Variants in HSF1 observed in about 807,000 individuals in gnomAD.
The protein encoded by HSF1 is heat shock transcription factor 1, also known as heat shock factor protein 1.
In HSF1, 32 loss-of-function variants were observed where a neutral mutation model predicts 51.7. That is an observed-to-expected ratio of 0.62 (90% CI 0.47 to 0.83). The LOEUF (loss-of-function observed/expected upper bound fraction) is 0.83, where lower values mean the gene tolerates loss of function less well. Ranked by LOEUF, HSF1 falls within the 40% of genes least tolerant of loss-of-function variation. The pLI, the probability that HSF1 is intolerant of heterozygous loss-of-function variation, is 0.00. For missense variants in HSF1, 727 were observed against 717.0 expected (o/e 1.01, Z -0.16); for synonymous variants, 396 against 309.7 (o/e 1.28, Z -2.92).
chr8:144,291,843 C>T lies in HSF1; in HGVS notation c.86C>T (p.Pro29Leu). The change falls in exon 1 of 13, where the codon CCG becomes CTG. Residue 29 changes from proline (P) to leucine (L), a missense_variant. Pro to Leu is a moderately conservative substitution (Grantham distance 98, BLOSUM62 -3). Coordinates refer to ENST00000528838, the MANE Select transcript of HSF1 (RefSeq NM_005526.4). The surrounding 1 kb of genome is among the most constrained non-coding windows in gnomAD (Gnocchi z 4.1). ...AAGCTGTGGACCCTCGTGAGCGACC[C>T]GGACACCGACGCGCTCATCTGCTGG... ...LTKLWTLVSD[P>L]DTDALICWSP... The T allele has an allele frequency of 3.9e-6, 6 of 1,548,896 alleles. No individual in the cohort carries two copies. Among genetic ancestry groups the T allele is most frequent in the Non-Finnish European group, 5.2e-6 (6 of 1,152,982 alleles).
intron 1 of HSF1, among the ~76,000 whole-genome samples, chr8:144,298,916 G>T (rs568556636): frequency 2.0e-5 from 3 of 152,358 alleles, no homozygotes; most frequent in Non-Finnish European, 4.4e-5. Context: ...GTAAGTGTAA[G>T]GGGACAGATG....
chr8:144,299,484 G>A (rs1815713120), intron 1 of HSF1, among the ~76,000 whole-genome samples: 1 of 151,160 alleles, frequency 6.6e-6, no homozygotes, highest in South Asian at 2.1e-4. Context: ...GTCATGGGCA[G>A]ACAAGCCAAA....
intron 1 of HSF1, among the ~76,000 whole-genome samples, chr8:144,293,811 C>G (rs1241676362): frequency 2.7e-5 from 4 of 150,542 alleles, no homozygotes. Flanking sequence ...GAGGGGCATC[C>G]GCGATTATCT....
At chr8:144,312,412 C>G (rs1227253637) in intron 9 of HSF1, among the ~76,000 whole-genome samples, 168 bp downstream of exon 9, 1 of 152,142 alleles carries the variant, frequency 6.6e-6, no homozygotes, top group African/African-American at 2.4e-5. Context: ...CCAGATCACC[C>G]CACAGTCCCA....
chr8:144,309,156 C>G, intron 2 of HSF1, 142 bp downstream of exon 2: 1 of 728,134 alleles, frequency 1.4e-6, no homozygotes. Flanking sequence ...AGCCTGGGGG[C>G]CGGGGAGCAG....
chr8:144,310,297 C>T (rs919137145), intron 4 of HSF1: 10 of 173,410 alleles, frequency 5.8e-5, no homozygotes, highest in Non-Finnish European at 1.1e-4. Context: ...GTCCCACACT[C>T]GCCTGGGCCC....
chr8:144,309,669 C>T (rs1816470771), intron 3 of HSF1, 78 bp downstream of exon 3: 1 of 1,594,284 alleles, frequency 6.3e-7, no homozygotes, highest in Non-Finnish European at 8.6e-7. Flanking sequence ...AGGGCTCCCA[C>T]CCCAGCCTGC....
intron 1 of HSF1, among the ~76,000 whole-genome samples, 181 bp downstream of exon 1, chr8:144,292,055 A>G (rs2130291802): frequency 6.6e-6 from 1 of 152,318 alleles, no homozygotes; most frequent in Non-Finnish European, 1.5e-5. Context: ...CAGAGCCTTA[A>G]GTTGGGAAAG....
At chr8:144,306,128 C>T (rs1026444941) in intron 1 of HSF1, among the ~76,000 whole-genome samples, 9 of 152,188 alleles carry the variant, frequency 5.9e-5, no homozygotes, top group African/African-American at 2.2e-4. Context: ...TTGATACTCT[C>T]TGATAAGATG....
Position 144,312,252 on chromosome 8 carries a change from C to T in HSF1, c.1142+8C>T. ...CGTAGCCTGCCTGGACAAGTGAGTG[C>T]CGCCCACCCCTGGCCCCACCCACAG... On this transcript the variant is annotated splice_region_variant and intron_variant, in intron 9 of 12. Coordinates refer to ENST00000528838, the MANE Select transcript of HSF1 (RefSeq NM_005526.4). The T allele has an allele frequency of 7.2e-7, 1 of 1,397,840 alleles. No homozygotes were observed. 86.6% of individuals were successfully genotyped at this position (1,397,840 alleles called of 1,614,324 possible).
chr8:144,296,586 C>T (rs1468923903), intron 1 of HSF1, among the ~76,000 whole-genome samples: 1 of 152,122 alleles, frequency 6.6e-6, no homozygotes, highest in East Asian at 1.9e-4. Context: ...ATCACGAGAT[C>T]AGGAGGTCAG....
In HSF1 at chr8:144,313,965, A is replaced by ATAC. The variant is rs1417089888; in HGVS notation, c.1315-19_1315-17dup. On this transcript the variant is annotated intron_variant, in intron 11 of 12. Transcript: ENST00000528838. Reference sequence around the variant, plus strand: ...AACGAGACCAGCGGGAGTGCTCACAATACCGTCTCCACCCCACAGATCCAA... The same window carrying ATAC: ...AACGAGACCAGCGGGAGTGCTCACAATACTACCGTCTCCACCCCACAGATCCAA... 13 of 1,610,380 alleles carry ATAC rather than the reference A, an allele frequency of 8.1e-6. No individual in the cohort carries two copies. Among genetic ancestry groups the ATAC allele is most frequent in the Non-Finnish European group, 1.1e-5 (13 of 1,179,164 alleles).
At chr8:144,295,178 T>C (rs1815373409) in intron 1 of HSF1, among the ~76,000 whole-genome samples, 1 of 152,236 alleles carries the variant, frequency 6.6e-6, no homozygotes, top group Non-Finnish European at 1.5e-5. Context: ...TTCTAGGGCC[T>C]TGCTGGGCTG....
chr8:144,311,096 C>A, intron 4 of HSF1, 78 bp from the exon 5 acceptor site: 2 of 1,342,636 alleles, frequency 1.5e-6, no homozygotes, highest in Non-Finnish European at 1.0e-6. Flanking sequence ...GCATGGGGGA[C>A]AGGGAGGGTC....
At chr8:144,309,106 G>C in intron 2 of HSF1, 92 bp downstream of exon 2, 2 of 1,031,592 alleles carry the variant, frequency 1.9e-6, no homozygotes, top group Non-Finnish European at 3.0e-6. Flanking sequence ...GAAGGACGGG[G>C]CGTCCTGTGC....
At chr8:144,312,977 G>A in intron 9 of HSF1, 6 of 550,416 alleles carry the variant, frequency 1.1e-5, no homozygotes, top group Non-Finnish European at 2.0e-5. Context: ...CTGCGGTGCT[G>A]ACTGCACTTC....
rs1459016316 is a variant in HSF1, at chr8:144,304,805, CT to C, written c.118-4100del. On this transcript the variant is annotated intron_variant, in intron 1 of 12. Coordinates refer to ENST00000528838, the MANE Select transcript of HSF1 (RefSeq NM_005526.4). ...GGGATTACAGGCATGAGCCACGACA[CT>C]AAAATTTTTCCATTTTTAGTAGAGG... 2.0e-5 allele frequency among the ~76,000 whole-genome samples: 3 copies of C among 152,076 alleles called. No homozygotes were observed. In the East Asian group the frequency reaches 5.8e-4, roughly 29 times the overall value.
At chr8:144,308,578 C>T (rs1398544554) in intron 1 of HSF1, among the ~76,000 whole-genome samples, 2 of 150,768 alleles carry the variant, frequency 1.3e-5, no homozygotes, top group Non-Finnish European at 2.9e-5. Context: ...CAGAGTGCGG[C>T]GGATGCTTTG....
intron 1 of HSF1, among the ~76,000 whole-genome samples, chr8:144,301,682 C>T (rs543594112): frequency 6.6e-6 from 1 of 151,680 alleles, no homozygotes; most frequent in African/African-American, 2.4e-5. Flanking sequence ...CTGGCTAATA[C>T]AGTGAAACCC....
Sources: gnomAD v4.1 joint callset for allele counts (sites outside exome capture counted in the v4.1 genomes callset) on GRCh38, gnomAD v4.1.1 for gene constraint, Gnocchi (gnomAD v3.1) non-coding constraint, MANE v1.5 for transcripts, NCBI Gene and HGNC (gene_info 2026-07-23, HGNC 2026-07-21) for gene names.